The following PRDM16 variants were observed in gnomAD, a reference collection of about 807,000 sequenced individuals.
PRDM16 encodes the protein PR/SET domain 16.
Under a neutral mutation model 110.6 loss-of-function variants are expected in PRDM16, and 23 were observed. The observed-to-expected ratio is 0.21, with a 90% CI of 0.15 to 0.29. The LOEUF (loss-of-function observed/expected upper bound fraction) is 0.29. Among genes scored for constraint, PRDM16 ranks in the 10% least tolerant of loss-of-function variants. The pLI is 1.00. For missense variants in PRDM16, 1,615 were observed against 1,794.3 expected, an observed-to-expected ratio of 0.90 and a Z score of 1.81; for synonymous variants, 799 against 781.8, an observed-to-expected ratio of 1.02 and a Z score of -0.37.
chr1:3,229,960 G>T (rs375154609), intron 2 of PRDM16, among the ~76,000 whole-genome samples: 1 of 152,222 alleles, frequency 6.6e-6, no homozygotes, highest in Admixed American at 6.5e-5. Flanking sequence ...GCTCCGTGCA[G>T]GTGTCGGGAC....
Position 3,438,151 on chromosome 1 carries a change from T to C in PRDM16, c.*4340T>C, listed in dbSNP as rs1374756148. 1.5e-5 allele frequency: 3 copies of C among 202,656 alleles called. No individual in the cohort carries two copies. Among genetic ancestry groups the C allele is most frequent in the Non-Finnish European group, 3.0e-5 (3 of 98,786 alleles). The allele number at this position is 202,656 out of a possible 1,614,324, so 12.6% of individuals were successfully genotyped here. On this transcript the variant is annotated 3_prime_UTR_variant, in exon 17 of 17. Coordinates refer to ENST00000270722, the MANE Select transcript of PRDM16 (RefSeq NM_022114.4). Reference sequence around the variant, plus strand: ...GAGAAGGAGGCTGGCGCTCGCCCCATGTCCCCCTTGATTGTAAATTGCTTC... The same window carrying C: ...GAGAAGGAGGCTGGCGCTCGCCCCACGTCCCCCTTGATTGTAAATTGCTTC...
chr1:3,419,872 C>A (rs1402458314), intron 12 of PRDM16, among the ~76,000 whole-genome samples: 1 of 151,914 alleles, frequency 6.6e-6, no homozygotes, highest in African/African-American at 2.4e-5. Context: ...ACAGCTTATA[C>A]CACTTACGGG....
chr1:3,434,965 G>A lies in PRDM16; in HGVS notation c.*1154G>A, dbSNP rs1210086675. 4.4e-6 allele frequency: 1 copy of A among 229,800 alleles called. No homozygotes were observed. The highest frequency in any genetic ancestry group is 2.2e-5 in the African/African-American group (1 of 45,124). 14.2% of individuals were successfully genotyped at this position (229,800 alleles called of 1,614,324 possible). ...CGCTCCGGGCCACCAAGCCGCACCT[G>A]TGCCTGAGACTCCGGATGGACGACA... On this transcript the variant is annotated 3_prime_UTR_variant, in exon 17 of 17. Transcript: ENST00000270722.
intron 1 of PRDM16, among the ~76,000 whole-genome samples, chr1:3,117,977 T>C (rs1274920155): frequency 1.3e-5 from 2 of 151,872 alleles, no homozygotes; most frequent in African/African-American, 4.8e-5. Flanking sequence ...GCTCATGCTG[T>C]GTGTGTGTAC....
At chr1:3,130,707 G>A (rs556474482) in intron 1 of PRDM16, among the ~76,000 whole-genome samples, 191 of 151,960 alleles carry the variant, frequency 1.3e-3, no homozygotes, top group Non-Finnish European at 2.3e-3. Flanking sequence ...CATTACAGAC[G>A]GATGTCACCT....
chr1:3,373,544 G>A (rs968163505), intron 3 of PRDM16, among the ~76,000 whole-genome samples: 2 of 152,186 alleles, frequency 1.3e-5, no homozygotes, highest in Admixed American at 6.5e-5. Context: ...CCGTCTCTGT[G>A]CTTATGAAAA....
At chr1:3,180,977 CACACGCAGTCTTACACACGATCTT>C (rs1166178459) in intron 1 of PRDM16, among the ~76,000 whole-genome samples, 2 of 136,986 alleles carry the variant, frequency 1.5e-5, no homozygotes, top group African/African-American at 5.0e-5. Context: ...CTCGGTCTTA[CACACGCAGTCTTACACACGATCTT>C]ACACGCGGTC....
chr1:3,185,985 G>C (rs1007348016), intron 1 of PRDM16, 140 bp from the exon 2 acceptor site: 1 of 679,252 alleles, frequency 1.5e-6, no homozygotes, highest in Admixed American at 2.5e-5. Context: ...AGCGTCTCCC[G>C]GGCAGGGGTG....
chr1:3,365,966 A>G (rs2100568442), intron 3 of PRDM16, among the ~76,000 whole-genome samples: 1 of 151,962 alleles, frequency 6.6e-6, no homozygotes, highest in East Asian at 1.9e-4. Context: ...ACACATGCAC[A>G]CACACGCACA....
rs905134 is a variant in PRDM16 at position 3,193,547 on chromosome 1, C to T, written c.387+7073C>T. Among the ~76,000 whole-genome samples the T allele has an allele frequency of 7.0e-3, 1,072 of 152,306 alleles. 13 individuals carry two copies. Among genetic ancestry groups the T allele is most frequent in the African/African-American group, 0.024 (1,002 of 41,574 alleles). On this transcript the variant is annotated intron_variant, in intron 2 of 16. Coordinates refer to ENST00000270722, the MANE Select transcript of PRDM16 (RefSeq NM_022114.4). ...GGAGCTGTCCACAGCCATGGACCTCCGCACTCTCCATCCCATCCGGCTCTG... is the reference window on the plus strand; with the variant it reads ...GGAGCTGTCCACAGCCATGGACCTCTGCACTCTCCATCCCATCCGGCTCTG...
At chr1:3,079,809 G>T (rs369585111) in intron 1 of PRDM16, among the ~76,000 whole-genome samples, 20 of 152,188 alleles carry the variant, frequency 1.3e-4, no homozygotes, top group Non-Finnish European at 2.4e-4. Context: ...ACACACACCT[G>T]CAGGCAAGCG....
At chr1:3,104,391 C>T (rs1294550957) in intron 1 of PRDM16, among the ~76,000 whole-genome samples, 1 of 152,212 alleles carries the variant, frequency 6.6e-6, no homozygotes, top group African/African-American at 2.4e-5. Context: ...CGCCTCCGTG[C>T]ACAGGGCCTT....
intron 6 of PRDM16, 46 bp from the exon 7 acceptor site, chr1:3,404,693 G>A: frequency 6.2e-7 from 1 of 1,607,790 alleles, no homozygotes; most frequent in Middle Eastern, 1.7e-4. Context: ...CTCCCGGGCA[G>A]AGGGCAGGTA....
At chr1:3,398,632 G>T (rs896181631) in intron 5 of PRDM16, among the ~76,000 whole-genome samples, 1 of 152,152 alleles carries the variant, frequency 6.6e-6, no homozygotes, top group Non-Finnish European at 1.5e-5. Context: ...GGCTCTCCGG[G>T]GCCATTAGGC....
At chr1:3,089,394 C>T (rs1213154684) in intron 1 of PRDM16, among the ~76,000 whole-genome samples, 1 of 152,384 alleles carries the variant, frequency 6.6e-6, no homozygotes, top group African/African-American at 2.4e-5. Context: ...CTGCCTCCAC[C>T]TGGCTGCACC....
intron 3 of PRDM16, among the ~76,000 whole-genome samples, chr1:3,378,726 G>A (rs757125873): frequency 6.6e-6 from 1 of 152,062 alleles, no homozygotes; most frequent in Non-Finnish European, 1.5e-5. Flanking sequence ...CAGCGGTCAG[G>A]GCAGCACCTG....
intron 14 of PRDM16, among the ~76,000 whole-genome samples, chr1:3,430,560 C>A (rs939431079): frequency 6.6e-6 from 1 of 152,244 alleles, no homozygotes; most frequent in African/African-American, 2.4e-5. Flanking sequence ...CACAGGACTG[C>A]CCACTGCTTC....
chr1:3,420,111 T>G (rs777521173), intron 12 of PRDM16, among the ~76,000 whole-genome samples: 1 of 152,168 alleles, frequency 6.6e-6, no homozygotes, highest in Non-Finnish European at 1.5e-5. Flanking sequence ...ATAGAAGAAT[T>G]TAATTATCAT....
intron 4 of PRDM16, among the ~76,000 whole-genome samples, chr1:3,395,802 G>A (rs1444402685): frequency 1.3e-5 from 2 of 152,242 alleles, no homozygotes; most frequent in Non-Finnish European, 2.9e-5. Context: ...ACTGCTCAGT[G>A]AGCAGAGTTC....
Sources: allele counts gnomAD v4.1 joint callset (sites outside exome capture counted in the v4.1 genomes callset), GRCh38; gene constraint gnomAD v4.1.1; transcripts MANE v1.5; gene names NCBI Gene and HGNC (gene_info 2026-07-23, HGNC 2026-07-21).